Variants in FBXL7 observed in about 807,000 individuals in gnomAD.
FBXL7 encodes F-box and leucine rich repeat protein 7.
In FBXL7, 12 loss-of-function variants were observed where a neutral mutation model predicts 38.3. The observed-to-expected ratio is 0.31, with a 90% CI of 0.20 to 0.51. The LOEUF (loss-of-function observed/expected upper bound fraction) is 0.51, where lower values mean the gene tolerates loss of function less well. Ranked by LOEUF, FBXL7 falls within the 20% of genes least tolerant of loss-of-function variation. The pLI is 0.98. For missense variants in FBXL7, 567 were observed against 676.4 expected (o/e 0.84, Z 1.79); for synonymous variants, 297 against 300.9 (o/e 0.99, Z 0.13).
chr5:15,922,167 T>TTA (rs1741760837), intron 2 of FBXL7, among the ~76,000 whole-genome samples: 2 of 151,166 alleles, frequency 1.3e-5, no homozygotes, highest in Non-Finnish European at 1.5e-5. Context: ...ATCATATATG[T>TTA]TATATATATG....
At chr5:15,678,404 G>A (rs148109148) in intron 2 of FBXL7, among the ~76,000 whole-genome samples, 65 of 152,202 alleles carry the variant, frequency 4.3e-4, no homozygotes, top group Admixed American at 1.4e-3. Flanking sequence ...ATTGCTTACC[G>A]GTGTCATATA....
intron 1 of FBXL7, among the ~76,000 whole-genome samples, chr5:15,562,691 C>T (rs76198313): frequency 0.012 from 1,761 of 152,046 alleles, 45 homozygotes; most frequent in African/African-American, 0.04. Context: ...CCTTCTTCTG[C>T]TCCTCCCTTC....
chr5:15,521,977 A>C (rs2126375510), intron 1 of FBXL7, among the ~76,000 whole-genome samples: 1 of 152,348 alleles, frequency 6.6e-6, no homozygotes, highest in South Asian at 2.1e-4. Flanking sequence ...GTTATATTTC[A>C]TCCAAAAATG....
At chr5:15,672,692 C>A (rs1048572533) in intron 2 of FBXL7, among the ~76,000 whole-genome samples, 2 of 151,794 alleles carry the variant, frequency 1.3e-5, no homozygotes, top group South Asian at 4.2e-4. Flanking sequence ...GTAGCTGAGA[C>A]TACAGGCGCA....
intron 1 of FBXL7, among the ~76,000 whole-genome samples, chr5:15,562,164 A>G (rs941970327): frequency 3.9e-5 from 6 of 152,158 alleles, no homozygotes; most frequent in Non-Finnish European, 2.9e-5. Context: ...ACATTCTTAG[A>G]ATAAAATATA....
Position 15,699,671 on chromosome 5 carries a change from T to G in FBXL7, c.127+83599T>G, listed in dbSNP as rs571430555. Among the ~76,000 whole-genome samples the G allele has an allele frequency of 3.9e-5, 6 of 152,302 alleles. No homozygotes were observed. The South Asian group carries it at 1.2e-3, about 32-fold the overall frequency. ...GAGTTCCCAAATCAGAGTCAGAAAC[T>G]GATCCATCCAGACTTTCTACAGGTC... On this transcript the variant is annotated intron_variant, in intron 2 of 3. Transcript: ENST00000504595.
chr5:15,783,842 G>A (rs1410286998), intron 2 of FBXL7, among the ~76,000 whole-genome samples: 4 of 152,188 alleles, frequency 2.6e-5, no homozygotes, highest in Admixed American at 1.3e-4. Flanking sequence ...GGAAAAGAAT[G>A]GAGTTTTGGA....
intron 2 of FBXL7, among the ~76,000 whole-genome samples, chr5:15,814,661 A>T (rs1726461798): frequency 6.6e-6 from 1 of 152,180 alleles, no homozygotes; most frequent in African/African-American, 2.4e-5. Context: ...GGTAGAATTT[A>T]AAAAAATGTT....
chr5:15,846,516 G>T (rs1738907568), intron 2 of FBXL7, among the ~76,000 whole-genome samples: 1 of 152,148 alleles, frequency 6.6e-6, no homozygotes, highest in Admixed American at 6.5e-5. Context: ...AGAATGCAAG[G>T]GTAGGGGGAC....
At chr5:15,641,368 C>A (rs1741364091) in intron 2 of FBXL7, among the ~76,000 whole-genome samples, 1 of 152,200 alleles carries the variant, frequency 6.6e-6, no homozygotes. Context: ...TAATTCACTT[C>A]TTCTCTTCCC....
intron 2 of FBXL7, among the ~76,000 whole-genome samples, chr5:15,820,580 A>G (rs1298179059): frequency 3.1e-4 from 47 of 152,020 alleles, no homozygotes; most frequent in Admixed American, 2.8e-3. Flanking sequence ...ACAGCATCCA[A>G]TTTCAGTTTT....
chr5:15,695,350 G>A (rs1311804409), intron 2 of FBXL7, among the ~76,000 whole-genome samples: 3 of 152,078 alleles, frequency 2.0e-5, no homozygotes, highest in Admixed American at 6.5e-5. Context: ...GGAGGGGAAA[G>A]TGTTTAAAGC....
chr5:15,888,131 A>G (rs900737457), intron 2 of FBXL7, among the ~76,000 whole-genome samples: 3 of 152,222 alleles, frequency 2.0e-5, no homozygotes, highest in Non-Finnish European at 4.4e-5. Context: ...GAAATTGTCA[A>G]TAAGAATCAA....
intron 2 of FBXL7, among the ~76,000 whole-genome samples, chr5:15,802,629 G>GCT (rs1273629902): frequency 6.6e-6 from 1 of 150,414 alleles, no homozygotes; most frequent in African/African-American, 2.5e-5. Context: ...AACTAGCACT[G>GCT]CTCTCTCTCA....
At chr5:15,579,135 G>T (rs1362821724) in intron 1 of FBXL7, among the ~76,000 whole-genome samples, 1 of 152,206 alleles carries the variant, frequency 6.6e-6, no homozygotes, top group Admixed American at 6.5e-5. Flanking sequence ...CCTAAACACA[G>T]GTGGGAGGTT....
At chr5:15,516,454 A>T (rs1736939452) in intron 1 of FBXL7, among the ~76,000 whole-genome samples, 1 of 152,136 alleles carries the variant, frequency 6.6e-6, no homozygotes, top group African/African-American at 2.4e-5. Context: ...CTACCATGGC[A>T]GTTTATTTGT....
chr5:15,577,107 C>A (rs1738990144), intron 1 of FBXL7, among the ~76,000 whole-genome samples: 1 of 152,186 alleles, frequency 6.6e-6, no homozygotes, highest in Non-Finnish European at 1.5e-5. Context: ...GCCTGGATAA[C>A]AATGCGTCCT....
rs186990646 is a variant in FBXL7, at chr5:15,568,976, T to C, written c.38-47007T>C. 8.9e-3 allele frequency among the ~76,000 whole-genome samples: 1,360 copies of C among 152,352 alleles called. 20 individuals carry two copies. The highest frequency in any genetic ancestry group is 0.027 in the African/African-American group (1,130 of 41,580). On this transcript the variant is annotated intron_variant, in intron 1 of 3. Transcript: ENST00000504595. ...CTCTGTTTTGGTACCAGTACCCTGC[T>C]GTTTTTGTTACTATAGCCTTGTAGT...
intron 2 of FBXL7, among the ~76,000 whole-genome samples, chr5:15,854,810 G>C (rs1172924925): frequency 6.6e-6 from 1 of 151,940 alleles, no homozygotes; most frequent in African/African-American, 2.4e-5. Flanking sequence ...GTTCTGTTTT[G>C]AGTGAGCATT....
Sources: allele counts gnomAD v4.1 joint callset (sites outside exome capture counted in the v4.1 genomes callset), GRCh38; gene constraint gnomAD v4.1.1; transcripts MANE v1.5; gene names NCBI Gene and HGNC (gene_info 2026-07-23, HGNC 2026-07-21).